DOCK2: variants seen among roughly 807,000 people sequenced by gnomAD.
The protein encoded by DOCK2 is dedicator of cytokinesis protein 2.
In DOCK2, 87 loss-of-function variants were observed where a neutral mutation model predicts 248.9. That is an observed-to-expected ratio of 0.35 (90% CI 0.29 to 0.42). DOCK2 has a LOEUF of 0.42. Ranked by LOEUF, DOCK2 falls within the 10% of genes least tolerant of loss-of-function variation. DOCK2 has a pLI of 1.00. For synonymous variants in DOCK2, 805 were observed against 821.6 expected (o/e 0.98, Z 0.35); for missense variants, 1,747 against 2,300.2 (o/e 0.76, Z 4.92).
At chr5:170,052,247 A>G (rs940795710) in intron 41 of DOCK2, among the ~76,000 whole-genome samples, 2 of 152,172 alleles carry the variant, frequency 1.3e-5, no homozygotes, top group Admixed American at 1.3e-4. Context: ...CTGCTCTACC[A>G]TGGTTATTTG....
At chr5:169,998,313 C>T (rs983814103) in intron 30 of DOCK2, among the ~76,000 whole-genome samples, 25 of 152,224 alleles carry the variant, frequency 1.6e-4, no homozygotes, top group African/African-American at 5.8e-4. Context: ...GAGGAGGTGA[C>T]GTCTGGGCTG....
At chr5:169,791,831 G>A (rs192097902) in intron 25 of DOCK2, among the ~76,000 whole-genome samples, 3 of 152,178 alleles carry the variant, frequency 2.0e-5, no homozygotes, top group Admixed American at 6.5e-5. Flanking sequence ...CTAGGATCTA[G>A]CAGGAGTTCA....
intron 27 of DOCK2, among the ~76,000 whole-genome samples, chr5:169,870,365 A>G (rs1771877186): frequency 6.6e-6 from 1 of 152,172 alleles, no homozygotes; most frequent in African/African-American, 2.4e-5. Flanking sequence ...CTTGGCTGGA[A>G]GAAGAAACAG....
At chr5:169,698,312 C>A in intron 10 of DOCK2, 62 bp from the exon 11 acceptor site, 1 of 1,547,104 alleles carries the variant, frequency 6.5e-7, no homozygotes, top group Non-Finnish European at 8.9e-7. Flanking sequence ...GCTCATCCCA[C>A]TGTCATCCCT....
intron 8 of DOCK2, among the ~76,000 whole-genome samples, chr5:169,684,859 G>A (rs1211508626): frequency 6.6e-6 from 1 of 152,166 alleles, no homozygotes; most frequent in East Asian, 1.9e-4. Context: ...GCATTGTCCA[G>A]TCTGGTGTCG....
intron 27 of DOCK2, among the ~76,000 whole-genome samples, chr5:169,841,741 C>T (rs1311012024): frequency 3.9e-5 from 6 of 152,224 alleles, no homozygotes; most frequent in Non-Finnish European, 7.3e-5. Flanking sequence ...TCTCCATCCA[C>T]TAAAAGTCAT....
chr5:170,082,760 G>A lies in DOCK2; in HGVS notation c.5431-36G>A, dbSNP rs374783536. On this transcript the variant is annotated intron_variant, in intron 51 of 51. Transcript: ENST00000520908. The stretch of plus-strand genomic sequence containing the variant: ...CATTTTGGTGCTTAATCTGATAATC[G>A]CATCTTGGTTTTGTGCTTGTTTATT... The A allele has an allele frequency of 2.6e-4, 415 of 1,613,226 alleles. 3 individuals are homozygous for A. Among genetic ancestry groups the A allele is most frequent in the East Asian group, 1.2e-3 (52 of 44,876 alleles).
chr5:169,805,394 C>T (rs1355616268), intron 26 of DOCK2, among the ~76,000 whole-genome samples: 5 of 152,062 alleles, frequency 3.3e-5, no homozygotes. Context: ...AGAACAGACC[C>T]TGACTCTCTG....
In DOCK2 at chr5:169,730,298, C is replaced by T. The variant is rs262877; in HGVS notation, c.2267+11507C>T. Among the ~76,000 whole-genome samples, 118 of 152,126 alleles carry T rather than the reference C, an allele frequency of 7.8e-4. 1 individual carries two copies. Among genetic ancestry groups the T allele is most frequent in the Non-Finnish European group, 1.5e-3 (102 of 67,986 alleles). On this transcript the variant is annotated intron_variant, in intron 22 of 51. Transcript: ENST00000520908. ...GATAGATGCAAATGAATCAGCCATG[C>T]GATGGCTGGATGGGAGAAGGAGGTG...
intron 26 of DOCK2, among the ~76,000 whole-genome samples, chr5:169,805,235 G>GAAAGA (rs1231373006): frequency 1.3e-5 from 2 of 150,126 alleles, no homozygotes; most frequent in Non-Finnish European, 3.0e-5. Context: ...AAAAAAAAAG[G>GAAAGA]AAAGAAAAGA....
chr5:169,900,984 G>A (rs866058829), intron 27 of DOCK2, among the ~76,000 whole-genome samples: 4 of 152,162 alleles, frequency 2.6e-5, no homozygotes, highest in East Asian at 1.9e-4. Context: ...ACTTAGTTAC[G>A]GGTAGGAAAG....
At chr5:170,008,897 G>A in intron 32 of DOCK2, 151 bp downstream of exon 32, 6 of 958,564 alleles carry the variant, frequency 6.3e-6, no homozygotes, top group Non-Finnish European at 9.6e-6. Context: ...ATAAGTGCCT[G>A]ATTATACTCT....
intron 33 of DOCK2, among the ~76,000 whole-genome samples, chr5:170,026,759 T>C (rs1408944872): frequency 6.6e-6 from 1 of 152,252 alleles, no homozygotes; most frequent in Non-Finnish European, 1.5e-5. Flanking sequence ...AAGCATTCTG[T>C]GGCTTCAATG....
At chr5:170,005,060 A>C in intron 30 of DOCK2, among the ~76,000 whole-genome samples, 1 of 121,838 alleles carries the variant, frequency 8.2e-6, no homozygotes, top group African/African-American at 4.1e-5. Flanking sequence ...TAAAACTTAA[A>C]GTATAATAAA....
At chr5:169,872,078 C>T (rs574230357) in intron 27 of DOCK2, among the ~76,000 whole-genome samples, 1 of 152,264 alleles carries the variant, frequency 6.6e-6, no homozygotes, top group Non-Finnish European at 1.5e-5. Context: ...GCAAGTTGGC[C>T]GAGAAGTGAA....
In DOCK2 at chr5:169,971,251, A is replaced by T. The variant is rs545387076; in HGVS notation, c.2800-11817A>T. 1.4e-4 allele frequency among the ~76,000 whole-genome samples: 22 copies of T among 151,996 alleles called. No homozygotes were observed. In the South Asian group the frequency reaches 4.6e-3, roughly 32 times the overall value. ...CAAACCAATGAATCAATGAAGTATC[A>T]TTCCCAGAGCAGGAAGGAAGCTGCC... On this transcript the variant is annotated intron_variant, in intron 27 of 51. Transcript: ENST00000520908.
chr5:169,991,650 C>T (rs1778212849), intron 29 of DOCK2, among the ~76,000 whole-genome samples: 1 of 152,226 alleles, frequency 6.6e-6, no homozygotes, highest in Admixed American at 6.5e-5. Context: ...CAGCTGTAGG[C>T]AGGCAGCAGA....
intron 43 of DOCK2, chr5:170,057,258 TGA>T (rs1757163398): frequency 2.4e-6 from 1 of 412,450 alleles, no homozygotes; most frequent in African/African-American, 2.0e-5. Context: ...ACTGCCTCTT[TGA>T]GAGTCTAATG....
At chr5:170,013,924 A>G (rs948421116) in intron 32 of DOCK2, among the ~76,000 whole-genome samples, 8 of 152,138 alleles carry the variant, frequency 5.3e-5, no homozygotes, top group Non-Finnish European at 1.2e-4. Context: ...TACTAACTGC[A>G]GCATTATTTA....
Sources: gnomAD v4.1 joint callset for allele counts (sites outside exome capture counted in the v4.1 genomes callset) on GRCh38, gnomAD v4.1.1 for gene constraint, MANE v1.5 for transcripts, NCBI Gene and HGNC (gene_info 2026-07-23, HGNC 2026-07-21) for gene names.